DOCK3: variants seen among roughly 807,000 people sequenced by gnomAD.
The protein encoded by DOCK3 is dedicator of cytokinesis 3.
DOCK3 carries 60 observed loss-of-function variants against 265.6 expected under a neutral mutation model. That is an observed-to-expected ratio of 0.23 (90% confidence interval 0.18 to 0.28). The LOEUF is 0.28. DOCK3 is among the 10% of genes least tolerant of loss of function. The pLI is 1.00. For missense variants in DOCK3, 1,981 were observed against 2,594.3 expected (o/e 0.76, Z 5.14); for synonymous variants, 881 against 938.0 (o/e 0.94, Z 1.11).
intron 5 of DOCK3, among the ~76,000 whole-genome samples, chr3:51,002,902 C>T (rs2078537439): frequency 6.6e-6 from 1 of 152,096 alleles, no homozygotes; most frequent in African/African-American, 2.4e-5. Flanking sequence ...AATAACTGGT[C>T]TGTTAACTCT....
chr3:51,329,296 ATACC>A (rs557318229), intron 32 of DOCK3, among the ~76,000 whole-genome samples: 387 of 152,328 alleles, frequency 2.5e-3, no homozygotes, highest in African/African-American at 9.0e-3. Context: ...CTGAGGCCTA[ATACC>A]TAGGTGATGG....
intron 5 of DOCK3, among the ~76,000 whole-genome samples, chr3:51,046,571 G>A (rs1170661323): frequency 2.0e-5 from 3 of 152,110 alleles, no homozygotes; most frequent in African/African-American, 7.2e-5. Context: ...CACTCATCAT[G>A]ATACCTAAAT....
chr3:50,875,896 G>A (rs1487106004), intron 3 of DOCK3, among the ~76,000 whole-genome samples: 1 of 150,410 alleles, frequency 6.6e-6, no homozygotes, highest in Non-Finnish European at 1.5e-5. Context: ...GAGAGTCTTC[G>A]CCTGTTCGCT....
At chr3:50,927,690 C>G (rs1285831183) in intron 4 of DOCK3, among the ~76,000 whole-genome samples, 1 of 152,086 alleles carries the variant, frequency 6.6e-6, no homozygotes, top group Non-Finnish European at 1.5e-5. Flanking sequence ...CATTGGTTTC[C>G]TTTTCTAAGT....
At chr3:50,731,120 AG>A (rs1213142605) in intron 1 of DOCK3, among the ~76,000 whole-genome samples, 1 of 149,608 alleles carries the variant, frequency 6.7e-6, no homozygotes, top group Non-Finnish European at 1.5e-5. Context: ...TGACTGAGCA[AG>A]ACTCTGTCTC....
chr3:50,788,077 T>C, intron 2 of DOCK3: 1 of 749,936 alleles, frequency 1.3e-6, no homozygotes, highest in Admixed American at 2.4e-5. Flanking sequence ...CATGGAGATG[T>C]AGTTTGCTCA....
chr3:51,061,563 G>C (rs867255960), intron 5 of DOCK3, among the ~76,000 whole-genome samples: 5 of 152,014 alleles, frequency 3.3e-5, no homozygotes, highest in African/African-American at 4.8e-5. Flanking sequence ...GGCCTGATGT[G>C]GGGTGGGGAG....
At chr3:50,738,528 A>G (rs2038796142) in intron 1 of DOCK3, among the ~76,000 whole-genome samples, 1 of 152,226 alleles carries the variant, frequency 6.6e-6, no homozygotes, top group South Asian at 2.1e-4. Context: ...ATTTATGTGC[A>G]TGTTTTTTAA....
intron 5 of DOCK3, among the ~76,000 whole-genome samples, chr3:50,970,948 A>ATATAT (rs1559878922): frequency 5.8e-5 from 3 of 51,760 alleles, no homozygotes; most frequent in Non-Finnish European, 1.0e-4. Context: ...TATATATATA[A>ATATAT]TGTGTGTGTG....
intron 1 of DOCK3, among the ~76,000 whole-genome samples, chr3:50,707,369 G>A (rs2036476326): frequency 6.6e-6 from 1 of 151,862 alleles, no homozygotes; most frequent in South Asian, 2.1e-4. Flanking sequence ...CCCAGAAAGT[G>A]GAGGTTGAAG....
At chr3:50,711,207 G>T (rs2036742126) in intron 1 of DOCK3, among the ~76,000 whole-genome samples, 1 of 150,368 alleles carries the variant, frequency 6.7e-6, no homozygotes, top group African/African-American at 2.4e-5. Context: ...ATTTTCATAT[G>T]TTGAACTGAC....
chr3:51,174,482 A>ATAAG (rs2086843087), intron 12 of DOCK3, among the ~76,000 whole-genome samples: 1 of 143,650 alleles, frequency 7.0e-6, no homozygotes, highest in African/African-American at 2.7e-5. Flanking sequence ...AAATAAATAA[A>ATAAG]TAAATAAATA....
intron 9 of DOCK3, among the ~76,000 whole-genome samples, chr3:51,138,507 T>A (rs1229617311): frequency 6.6e-6 from 1 of 152,226 alleles, no homozygotes; most frequent in Non-Finnish European, 1.5e-5. Context: ...GAACTAAACT[T>A]AAGGGCTTCC....
chr3:50,689,000 G>A (rs771031259), intron 1 of DOCK3, among the ~76,000 whole-genome samples: 7 of 152,142 alleles, frequency 4.6e-5, no homozygotes, highest in African/African-American at 7.2e-5. Flanking sequence ...TGGGCTATTC[G>A]AGGAGTAAAT....
intron 3 of DOCK3, among the ~76,000 whole-genome samples, chr3:50,873,921 G>T (rs1171697703): frequency 6.6e-6 from 1 of 152,176 alleles, no homozygotes. Context: ...TATGGGTTGG[G>T]GGAAGGGTGA....
chr3:50,970,424 T>G (rs1446716383), intron 5 of DOCK3, among the ~76,000 whole-genome samples: 2 of 152,164 alleles, frequency 1.3e-5, no homozygotes, highest in African/African-American at 4.8e-5. Flanking sequence ...TTGGAATATT[T>G]ATAACACATA....
At position 50,685,703 on chromosome 3, in the gene DOCK3, T is replaced by C. The variant is rs187092501; in HGVS notation, c.37+10403T>C. 7.1e-5 allele frequency: 16 copies of C among 224,248 alleles called. No homozygotes were observed. In the East Asian group the frequency reaches 1.8e-3, roughly 25 times the overall value. 13.9% of individuals were successfully genotyped at this position (224,248 alleles called of 1,614,324 possible). A position where few individuals can be genotyped will look rare whatever the true frequency, so the allele number is the denominator to read the frequency against. ...GGAACCCTTATTATCAAATCCTTTT[T>C]CTCCAGTGGTTAGAGCATGGAAGTT... On this transcript the variant is annotated intron_variant, in intron 1 of 52. Transcript: ENST00000266037.
At chr3:51,254,853 T>G (rs566230909) in intron 22 of DOCK3, among the ~76,000 whole-genome samples, 2 of 152,232 alleles carry the variant, frequency 1.3e-5, no homozygotes, top group Non-Finnish European at 1.5e-5. Flanking sequence ...AATTGGAGCA[T>G]TTAGCCCATT....
chr3:50,903,414 T>C (rs1001048853), intron 4 of DOCK3, among the ~76,000 whole-genome samples: 1 of 152,224 alleles, frequency 6.6e-6, no homozygotes, highest in Non-Finnish European at 1.5e-5. Flanking sequence ...TCTGCATCTA[T>C]TGAGATAATC....
Sources: allele counts gnomAD v4.1 joint callset (sites outside exome capture counted in the v4.1 genomes callset), GRCh38; gene constraint gnomAD v4.1.1; transcripts MANE v1.5; gene names NCBI Gene and HGNC (gene_info 2026-07-23, HGNC 2026-07-21).